CSMD1: variants seen among roughly 807,000 people sequenced by gnomAD.
CSMD1 encodes CUB and Sushi multiple domains 1.
Under a neutral mutation model 417.5 loss-of-function variants are expected in CSMD1, and 213 were observed. That is an observed-to-expected ratio of 0.51 (90% CI 0.46 to 0.57). The LOEUF (loss-of-function observed/expected upper bound fraction) is 0.57, where lower values mean the gene tolerates loss of function less well. CSMD1 is among the 20% of genes least tolerant of loss of function. The pLI is 0.00. For missense variants in CSMD1, 6,923 were observed against 4,529.7 expected (o/e 1.53, Z -15.17); for synonymous variants, 2,862 against 1,736.8 (o/e 1.65, Z -16.11).
chr8:4,336,938 G>C (rs932569801), intron 3 of CSMD1, among the ~76,000 whole-genome samples: 3 of 152,046 alleles, frequency 2.0e-5, no homozygotes, highest in Non-Finnish European at 4.4e-5. Context: ...AAATTCTGTA[G>C]GCTACAATGT....
intron 5 of CSMD1, among the ~76,000 whole-genome samples, chr8:3,863,118 T>C (rs1273427864): frequency 6.6e-6 from 1 of 151,902 alleles, no homozygotes; most frequent in East Asian, 1.9e-4. Flanking sequence ...GGTGCGAAGG[T>C]CGGGCGCGGT....
At chr8:3,734,718 T>C (rs898560577) in intron 6 of CSMD1, among the ~76,000 whole-genome samples, 1 of 152,050 alleles carries the variant, frequency 6.6e-6, no homozygotes, top group African/African-American at 2.4e-5. Context: ...CTCAAAAAAA[T>C]AAGTAAAATG....
chr8:3,723,935 C>A (rs965549658), intron 6 of CSMD1, among the ~76,000 whole-genome samples: 1 of 152,054 alleles, frequency 6.6e-6, no homozygotes, highest in Non-Finnish European at 1.5e-5. Context: ...TTGTAGCTAA[C>A]TTTTAAGAAA....
intron 1 of CSMD1, among the ~76,000 whole-genome samples, chr8:4,978,257 G>C (rs970321860): frequency 2.0e-5 from 3 of 152,246 alleles, no homozygotes; most frequent in African/African-American, 4.8e-5. Context: ...TGTTCAAAGG[G>C]GGGACAGGCA....
At chr8:4,049,702 T>C (rs1423188683) in intron 3 of CSMD1, among the ~76,000 whole-genome samples, 2 of 152,198 alleles carry the variant, frequency 1.3e-5, no homozygotes, top group African/African-American at 4.8e-5. Context: ...TAATAAATTT[T>C]CAAATTTAGA....
In CSMD1 at chr8:3,201,597, T is replaced by G; in HGVS notation, c.5098+15A>C. On this transcript the variant is annotated intron_variant, in intron 32 of 69. Coordinates refer to ENST00000635120, the MANE Select transcript of CSMD1 (RefSeq NM_033225.6). ...TGTCTGAACTAAATTAAGGGCAAAA[T>G]TCTTTAAGACTTACCTGAGTGAGAC... 1 of 1,525,908 alleles carries G rather than the reference T, an allele frequency of 6.6e-7. No homozygotes were observed. Among genetic ancestry groups the G allele is most frequent in the Non-Finnish European group, 9.0e-7 (1 of 1,116,510 alleles). The allele number at this position is 1,525,908 out of a possible 1,614,324, so 94.5% of individuals were successfully genotyped here.
At chr8:4,197,576 G>C (rs958207000) in intron 3 of CSMD1, among the ~76,000 whole-genome samples, 1 of 152,098 alleles carries the variant, frequency 6.6e-6, no homozygotes, top group Non-Finnish European at 1.5e-5. Flanking sequence ...GGAGAGCCCT[G>C]GCTAATAAAA....
At chr8:4,342,246 T>G (rs760862672) in intron 3 of CSMD1, among the ~76,000 whole-genome samples, 10 of 8,790 alleles carry the variant, frequency 1.1e-3, no homozygotes, top group Non-Finnish European at 2.6e-3. Context: ...TGTGTGTGTG[T>G]GTGTCTCTGT....
At chr8:3,967,416 C>G (rs1812752901) in intron 5 of CSMD1, among the ~76,000 whole-genome samples, 1 of 151,498 alleles carries the variant, frequency 6.6e-6, no homozygotes, top group African/African-American at 2.4e-5. Flanking sequence ...CCTGTATCAC[C>G]TGATGCTTTC....
rs369019926 is a variant in CSMD1 at position 3,108,584 on chromosome 8, G to C, written c.6754+19C>G. ...CATGGAATTCTCAGTCTTAACTAAC[G>C]GAGTGAAAATCAACTGACCGTGGAA... is the stretch of plus-strand genomic sequence containing the variant. On this transcript the variant is annotated intron_variant, in intron 44 of 69. Coordinates refer to ENST00000635120, the MANE Select transcript of CSMD1 (RefSeq NM_033225.6). The C allele has an allele frequency of 5.0e-6, 8 of 1,612,256 alleles. No homozygotes were observed. The highest frequency in any genetic ancestry group is 3.3e-5 in the Admixed American group (2 of 59,908).
At chr8:3,439,433 C>T (rs1464186930) in intron 12 of CSMD1, among the ~76,000 whole-genome samples, 1 of 149,324 alleles carries the variant, frequency 6.7e-6, no homozygotes, top group East Asian at 2.0e-4. Context: ...GTTTATGGTA[C>T]ATGTTCTTTG....
intron 4 of CSMD1, among the ~76,000 whole-genome samples, chr8:4,024,813 G>C (rs563994842): frequency 2.2e-4 from 33 of 152,190 alleles, no homozygotes; most frequent in Non-Finnish European, 4.0e-4. Flanking sequence ...AACTTCCTGA[G>C]TATGACTTCA....
intron 3 of CSMD1, among the ~76,000 whole-genome samples, chr8:4,052,392 G>C (rs534548223): frequency 5.3e-5 from 8 of 152,290 alleles, no homozygotes; most frequent in South Asian, 2.1e-4. Flanking sequence ...AATTGGCAAA[G>C]ACCTATTTCT....
At chr8:3,933,356 G>A (rs573790733) in intron 5 of CSMD1, among the ~76,000 whole-genome samples, 2 of 152,178 alleles carry the variant, frequency 1.3e-5, no homozygotes, top group East Asian at 3.9e-4. Flanking sequence ...AGCTGTTTTT[G>A]GCGACATTTC....
chr8:4,407,895 A>G (rs1234591747), intron 3 of CSMD1, among the ~76,000 whole-genome samples: 4 of 152,156 alleles, frequency 2.6e-5, no homozygotes, highest in Admixed American at 6.5e-5. Flanking sequence ...GTTAAGATGG[A>G]TAACACATCC....
intron 5 of CSMD1, among the ~76,000 whole-genome samples, chr8:3,841,313 C>G (rs1320079570): frequency 6.6e-6 from 1 of 152,082 alleles, no homozygotes; most frequent in Non-Finnish European, 1.5e-5. Flanking sequence ...CATAGATTGG[C>G]AAAATAAATT....
At chr8:4,453,244 C>G (rs939063433) in intron 2 of CSMD1, among the ~76,000 whole-genome samples, 43 of 147,700 alleles carry the variant, frequency 2.9e-4, no homozygotes, top group African/African-American at 1.0e-3. Flanking sequence ...CACACACACA[C>G]TGAACCTCCT....
intron 3 of CSMD1, among the ~76,000 whole-genome samples, chr8:4,308,460 T>C (rs892645769): frequency 3.9e-5 from 6 of 152,112 alleles, no homozygotes; most frequent in African/African-American, 1.4e-4. Context: ...GAAAAGGATG[T>C]GATCTTCAGC....
chr8:4,165,978 G>C (rs981188170), intron 3 of CSMD1, among the ~76,000 whole-genome samples: 2 of 152,232 alleles, frequency 1.3e-5, no homozygotes, highest in East Asian at 1.9e-4. Context: ...AATAACAATT[G>C]AAACAAAGTT....
Sources: gnomAD v4.1 joint callset for allele counts (sites outside exome capture counted in the v4.1 genomes callset) on GRCh38, gnomAD v4.1.1 for gene constraint, MANE v1.5 for transcripts, NCBI Gene and HGNC (gene_info 2026-07-23, HGNC 2026-07-21) for gene names.